The following ZFAND6 variants were observed in gnomAD, a reference collection of about 807,000 sequenced individuals.
ZFAND6 encodes zinc finger AN1-type containing 6, also known as AN1-type zinc finger protein 6.
Under a neutral mutation model 24.5 loss-of-function variants are expected in ZFAND6, and 12 were observed. The observed-to-expected ratio is 0.49, with a 90% CI of 0.31 to 0.79. The LOEUF (loss-of-function observed/expected upper bound fraction) is 0.79, where lower values mean the gene tolerates loss of function less well. ZFAND6 is among the 30% of genes least tolerant of loss of function. The probability of loss-of-function intolerance (pLI) is 0.04; values close to 1 mark genes in which losing one functional copy is unlikely to be tolerated. For missense variants in ZFAND6, 207 were observed against 245.9 expected (o/e 0.84, Z 1.06); for synonymous variants, 92 against 81.5 (o/e 1.13, Z -0.69).
At chr15:80,135,054 T>C (rs2040793817) in intron 6 of ZFAND6, among the ~76,000 whole-genome samples, 1 of 152,128 alleles carries the variant, frequency 6.6e-6, no homozygotes, top group South Asian at 2.1e-4. Context: ...AGCCTCCCCT[T>C]TTACCTTCTC....
chr15:80,094,435 G>A (rs1338398985), intron 1 of ZFAND6, among the ~76,000 whole-genome samples: 1 of 152,120 alleles, frequency 6.6e-6, no homozygotes, highest in South Asian at 2.1e-4. Context: ...GATCTGAGGT[G>A]GAACAGTTTC....
chr15:80,112,728 C>T (rs1467037832), intron 2 of ZFAND6: 1 of 455,464 alleles, frequency 2.2e-6, no homozygotes, highest in Non-Finnish European at 4.4e-6. Context: ...AAAAAGGTTA[C>T]TGCTGCTCCT....
chr15:80,074,647 G>A (rs1298591156), intron 1 of ZFAND6, among the ~76,000 whole-genome samples: 1 of 151,842 alleles, frequency 6.6e-6, no homozygotes, highest in Non-Finnish European at 1.5e-5. Context: ...CATCTTTCCA[G>A]TATTTTATAG....
intron 4 of ZFAND6, among the ~76,000 whole-genome samples, chr15:80,122,252 A>G (rs2040180065): frequency 6.6e-6 from 1 of 152,162 alleles, no homozygotes; most frequent in Non-Finnish European, 1.5e-5. Context: ...AAGTCACATC[A>G]TTTAGAAGCC....
chr15:80,085,580 A>G (rs2037943762), intron 1 of ZFAND6, among the ~76,000 whole-genome samples: 1 of 152,238 alleles, frequency 6.6e-6, no homozygotes, highest in Non-Finnish European at 1.5e-5. Flanking sequence ...TGGATAGGCA[A>G]AAACAAAAAA....
At chr15:80,125,554 T>C (rs975099361) in intron 5 of ZFAND6, among the ~76,000 whole-genome samples, 3 of 152,244 alleles carry the variant, frequency 2.0e-5, no homozygotes, top group African/African-American at 7.2e-5. Context: ...TTATGTTTCA[T>C]TGAGAATTTA....
intron 2 of ZFAND6, among the ~76,000 whole-genome samples, chr15:80,113,066 A>G (rs2039691487): frequency 6.6e-6 from 1 of 151,806 alleles, no homozygotes; most frequent in Non-Finnish European, 1.5e-5. Flanking sequence ...TACTAGTTCA[A>G]AGCTTAATGT....
chr15:80,132,194 T>C (rs1293313180), intron 6 of ZFAND6, among the ~76,000 whole-genome samples: 1 of 152,166 alleles, frequency 6.6e-6, no homozygotes, highest in Non-Finnish European at 1.5e-5. Flanking sequence ...TTCTAATACA[T>C]TGGAAAATTT....
rs201894565 is a variant in ZFAND6, at chr15:80,073,944, T to TA, written c.-181+14141dup. Among the ~76,000 whole-genome samples the TA allele has an allele frequency of 0.02, 3,107 of 152,036 alleles. 226 individuals are homozygous for TA. In the East Asian group the frequency reaches 0.22, roughly 11 times the overall value. Reference sequence around the variant, plus strand: ...TGTAGCTGTAAAATATTTTCCTTTTTAAAAAAGATTTCTTTTGGAAAAATC... The same window carrying TA: ...TGTAGCTGTAAAATATTTTCCTTTTTAAAAAAAGATTTCTTTTGGAAAAATC... On this transcript the variant is annotated intron_variant, in intron 1 of 6. Transcript: ENST00000261749.
chr15:80,119,356 GT>G (rs1433669035), intron 2 of ZFAND6, among the ~76,000 whole-genome samples: 1 of 152,080 alleles, frequency 6.6e-6, no homozygotes, highest in Non-Finnish European at 1.5e-5. Flanking sequence ...AATTTAAAAA[GT>G]AAAGGTACAA....
At chr15:80,081,451 C>T (rs1413547968) in intron 1 of ZFAND6, among the ~76,000 whole-genome samples, 1 of 152,172 alleles carries the variant, frequency 6.6e-6, no homozygotes, top group East Asian at 1.9e-4. Flanking sequence ...AACCAAGCAG[C>T]TCCCAGAACC....
At chr15:80,076,049 G>A (rs573707471) in intron 1 of ZFAND6, among the ~76,000 whole-genome samples, 1 of 152,126 alleles carries the variant, frequency 6.6e-6, no homozygotes, top group Non-Finnish European at 1.5e-5. Context: ...TGATCTCTGT[G>A]TCTTTTGCAA....
At chr15:80,060,439 T>C (rs2036269724) in intron 1 of ZFAND6, 1 of 152,190 alleles carries the variant, frequency 6.6e-6, no homozygotes, top group African/African-American at 2.4e-5. Context: ...TTTAGCTACC[T>C]AAAAAAGTAT....
At chr15:80,121,984 T>C (rs1428521129) in intron 4 of ZFAND6, among the ~76,000 whole-genome samples, 164 bp downstream of exon 4, 1 of 152,258 alleles carries the variant, frequency 6.6e-6, no homozygotes, top group Non-Finnish European at 1.5e-5. Flanking sequence ...TTCTTGCTTT[T>C]ACCTTGAGGG....
intron 2 of ZFAND6, among the ~76,000 whole-genome samples, chr15:80,116,202 A>T (rs1567086923): frequency 6.6e-6 from 1 of 152,142 alleles, no homozygotes; most frequent in Non-Finnish European, 1.5e-5. Context: ...GTTTTATACA[A>T]GAGTAAGGGT....
At chr15:80,100,497 C>T (rs1202335626) in intron 2 of ZFAND6, among the ~76,000 whole-genome samples, 2 of 150,158 alleles carry the variant, frequency 1.3e-5, no homozygotes, top group African/African-American at 4.9e-5. Context: ...TGAGATGATT[C>T]TCTGTGTTCT....
At chr15:80,126,034 C>T (rs1009103167) in intron 5 of ZFAND6, among the ~76,000 whole-genome samples, 3 of 152,080 alleles carry the variant, frequency 2.0e-5, no homozygotes, top group African/African-American at 7.2e-5. Context: ...TTCCAACACT[C>T]GAATGATGTC....
intron 2 of ZFAND6, among the ~76,000 whole-genome samples, chr15:80,102,659 G>C (rs1034599007): frequency 6.6e-6 from 1 of 152,218 alleles, no homozygotes; most frequent in Non-Finnish European, 1.5e-5. Context: ...GTTTCAGTTA[G>C]TGGTTTTATT....
intron 1 of ZFAND6, among the ~76,000 whole-genome samples, chr15:80,081,300 C>G (rs995236361): frequency 3.3e-5 from 5 of 152,062 alleles, no homozygotes; most frequent in Non-Finnish European, 7.4e-5. Context: ...TTGTAAAGTA[C>G]TGTAAAATGG....
Sources: allele counts gnomAD v4.1 joint callset (sites outside exome capture counted in the v4.1 genomes callset), GRCh38; gene constraint gnomAD v4.1.1; transcripts MANE v1.5; gene names NCBI Gene and HGNC (gene_info 2026-07-23, HGNC 2026-07-21).